GRM4: variants seen among roughly 807,000 people sequenced by gnomAD.
GRM4 encodes the protein glutamate metabotropic receptor 4.
A neutral mutation model predicts 81.7 loss-of-function variants in GRM4; 28 were observed. That is an observed-to-expected ratio of 0.34 (90% CI 0.25 to 0.47). The LOEUF (loss-of-function observed/expected upper bound fraction) is 0.47, where lower values mean the gene tolerates loss of function less well. GRM4 is among the 20% of genes least tolerant of loss of function. GRM4 has a pLI of 1.00. For missense variants in GRM4, 948 were observed against 1,290.0 expected, an observed-to-expected ratio of 0.73 and a Z score of 4.06; for synonymous variants, 488 against 528.8, an observed-to-expected ratio of 0.92 and a Z score of 1.06.
intron 2 of GRM4, among the ~76,000 whole-genome samples, chr6:34,099,229 G>A (rs1021836220): frequency 6.6e-6 from 1 of 152,208 alleles, no homozygotes; most frequent in Non-Finnish European, 1.5e-5. Context: ...CCGCCAAGGA[G>A]AGCGGGACTT....
intron 3 of GRM4, among the ~76,000 whole-genome samples, chr6:34,085,637 C>T (rs566002098): frequency 6.6e-6 from 1 of 152,278 alleles, no homozygotes; most frequent in African/African-American, 2.4e-5. Context: ...TGCAATTAAC[C>T]ATTCATTCAA....
intron 3 of GRM4, among the ~76,000 whole-genome samples, chr6:34,088,013 C>T (rs1172636420): frequency 6.6e-6 from 1 of 152,118 alleles, no homozygotes; most frequent in Admixed American, 6.5e-5. Flanking sequence ...CTTCCCAGGC[C>T]TCCCCAGGAC....
intron 3 of GRM4, among the ~76,000 whole-genome samples, chr6:34,084,988 G>T (rs546952356): frequency 6.6e-6 from 1 of 152,178 alleles, no homozygotes; most frequent in Non-Finnish European, 1.5e-5. Context: ...TGCAGGGCAG[G>T]TGCTAGGGCT....
At position 34,069,092 on chromosome 6, in the gene GRM4, TC is replaced by T. The variant is rs796831617; in HGVS notation, c.737-7065del. ...ACAGGGACAGGGGCAGGAGAGCAGGTCCCCCCGGCTCCCATAGGGGAGGACA... is the reference window on the plus strand; with the variant it reads ...ACAGGGACAGGGGCAGGAGAGCAGGTCCCCCGGCTCCCATAGGGGAGGACA... On this transcript the variant is annotated intron_variant, in intron 3 of 10. Coordinates refer to ENST00000538487, the MANE Select transcript of GRM4 (RefSeq NM_000841.4). The surrounding 1 kb of genome is among the most constrained non-coding windows in gnomAD (Gnocchi z 6.4). Among the ~76,000 whole-genome samples the T allele has an allele frequency of 2.7e-5, 4 of 148,452 alleles. 1 individual carries two copies. Among genetic ancestry groups the T allele is most frequent in the African/African-American group, 1.0e-4 (4 of 39,874 alleles).
rs1250809617 is a variant in GRM4, at chr6:34,154,258, C to A, written c.312+821G>T. 2.0e-5 allele frequency among the ~76,000 whole-genome samples: 3 copies of A among 152,214 alleles called. No homozygotes were observed. In the East Asian group the frequency reaches 5.8e-4, roughly 29 times the overall value. On this transcript the variant is annotated intron_variant, in intron 1 of 8. Transcript: ENST00000374177. ...GAGATGGTGAGCACGGCTCCCCGCA[C>A]ACACCTCCCCTCACCGCGGTCCTGC...
At position 34,133,116 on chromosome 6, in the gene GRM4, G is replaced by T. The variant is rs141426985; in HGVS notation, c.381C>A (p.Ile127=). 2 of 1,613,858 alleles carry T rather than the reference G, an allele frequency of 1.2e-6. No individual in the cohort carries two copies. The highest frequency in any genetic ancestry group is 1.3e-5 in the African/African-American group (1 of 74,938). The stretch of plus-strand genomic sequence containing the variant: ...AGCGGACCTCTGTGCCATCCTTCTC[G>T]ATGAGCGCCTGCACAAAGGTCAGCG... ...EQSLTFVQAL[I]EKDGTEVRCG... is the part of the protein sequence containing the mutation. The change falls in exon 2 of 11, where the codon ATC becomes ATA. Residue 127 remains isoleucine (I), a synonymous_variant. Transcript: ENST00000538487. This position sits in a 1 kb window ranked among gnomAD's most constrained non-coding sequence, Gnocchi z 6.5.
chr6:34,022,785 C>A lies in GRM4; in HGVS notation c.*36G>T. 1 of 1,592,470 alleles carries A rather than the reference C, an allele frequency of 6.3e-7. No individual in the cohort carries two copies. The highest frequency in any genetic ancestry group is 1.1e-5 in the South Asian group (1 of 90,636). On this transcript the variant is annotated 3_prime_UTR_variant, in exon 11 of 11. Coordinates refer to ENST00000538487, the MANE Select transcript of GRM4 (RefSeq NM_000841.4). This position sits in a 1 kb window ranked among gnomAD's most constrained non-coding sequence, Gnocchi z 5.6. ...GCCCGACGCACCTTCCACAGGGTCA[C>A]GGCTCCTCCTCCTGCTGCTCAGCTC...
chr6:34,022,862 T>C lies in GRM4; in HGVS notation c.2698A>G (p.Thr900Ala). ...CENLEAPALA[T>A]KQTYVTYTNH... Reference sequence around the variant, plus strand: ...GTGTAAGTGACGTAAGTCTGTTTGGTGGCCAGCGCTGGAAGGAGAGAGACC... The same window carrying C: ...GTGTAAGTGACGTAAGTCTGTTTGGCGGCCAGCGCTGGAAGGAGAGAGACC... Residue 900 changes from threonine to alanine, a missense_variant, in exon 11 of 11, where the codon ACC (threonine) becomes GCC (alanine). Physicochemically the swap from Thr to Ala is moderately conservative, Grantham distance 58. Transcript: ENST00000538487. The surrounding 1 kb of genome is among the most constrained non-coding windows in gnomAD (Gnocchi z 5.6). 1 of 1,613,876 alleles carries C rather than the reference T, an allele frequency of 6.2e-7. No individual in the cohort carries two copies.
Position 34,056,674 on chromosome 6 carries a change from G to C in GRM4, c.1038C>G (p.Arg346=). Residue 346 remains arginine (R), a synonymous_variant, in exon 6 of 11, where the codon CGC becomes CGG. Transcript: ENST00000538487. The stretch of plus-strand genomic sequence containing the variant: ...TGTCCAGCGTGCGGCTGGAGAAGTA[G>C]CGGTCGAAGCCTGGCAGGGAACCAG... ...PKRMSVRGFD[R]YFSSRTLDNN... The C allele has an allele frequency of 1.2e-6, 2 of 1,613,398 alleles. No homozygotes were observed. Among genetic ancestry groups the C allele is most frequent in the Non-Finnish European group, 1.7e-6 (2 of 1,179,782 alleles).
intron 10 of GRM4, among the ~76,000 whole-genome samples, chr6:34,027,381 C>T (rs1764182231): frequency 6.6e-6 from 1 of 152,154 alleles, no homozygotes; most frequent in African/African-American, 2.4e-5. Context: ...CAGGCCTGCC[C>T]CTCAGCTGCC....
At position 34,022,940 on chromosome 6, in the gene GRM4, G is replaced by T; in HGVS notation, c.2690-70C>A. 2 of 1,152,036 alleles carry T rather than the reference G, an allele frequency of 1.7e-6. No homozygotes were observed. Among genetic ancestry groups the T allele is most frequent in the Non-Finnish European group, 1.3e-6 (1 of 759,660 alleles). 71.4% of individuals were successfully genotyped at this position (1,152,036 alleles called of 1,614,324 possible). On this transcript the variant is annotated intron_variant, in intron 10 of 10. Transcript: ENST00000538487. This position sits in a 1 kb window ranked among gnomAD's most constrained non-coding sequence, Gnocchi z 5.6. ...TTTCTCAAACTGTCCTTCCACATGGGCACAGCCCTGCACAAGAACCTACCA... is the reference window on the plus strand; with the variant it reads ...TTTCTCAAACTGTCCTTCCACATGGTCACAGCCCTGCACAAGAACCTACCA...
Position 34,130,136 on chromosome 6 carries a change from A to G in GRM4, c.519+2842T>C, listed in dbSNP as rs554484046. On this transcript the variant is annotated intron_variant, in intron 2 of 10. Coordinates refer to ENST00000538487, the MANE Select transcript of GRM4 (RefSeq NM_000841.4). The surrounding 1 kb of genome is among the most constrained non-coding windows in gnomAD (Gnocchi z 4.1). ...TCCCGACCTCCCTCCCCAAAGTTCA[A>G]TCTTTTTGCTTCTGTAAATGGCTTT... 6.6e-6 allele frequency among the ~76,000 whole-genome samples: 1 copy of G among 152,142 alleles called. No homozygotes were observed. The highest frequency in any genetic ancestry group is 2.1e-4 in the South Asian group (1 of 4,816).
chr6:34,155,425 T>A (rs1298786248), exon 1 of GRM4: 2 of 1,403,060 alleles, frequency 1.4e-6, no homozygotes, highest in East Asian at 5.1e-5. Context: ...GCTCCCTCTG[T>A]GTGACAGGCC....
chr6:34,044,257 CAT>C (rs1432409351), intron 6 of GRM4, among the ~76,000 whole-genome samples: 1 of 138,942 alleles, frequency 7.2e-6, no homozygotes, highest in Middle Eastern at 3.6e-3. Flanking sequence ...CAGAGACATA[CAT>C]ACATACACAT....
rs1005684846 is a variant in GRM4, at chr6:34,046,523, C to G, written c.1169-5775G>C. Among the ~76,000 whole-genome samples, 6 of 152,212 alleles carry G rather than the reference C, an allele frequency of 3.9e-5. No homozygotes were observed. The South Asian group carries it at 1.0e-3, about 26-fold the overall frequency. On this transcript the variant is annotated intron_variant, in intron 6 of 10. Coordinates refer to ENST00000538487, the MANE Select transcript of GRM4 (RefSeq NM_000841.4). Reference sequence around the variant, plus strand: ...GGGGAGGAAAGTCAACTAATGCCAGCCTGTGGGGTTCCGTCCTGCTGGGGA... The same window carrying G: ...GGGGAGGAAAGTCAACTAATGCCAGGCTGTGGGGTTCCGTCCTGCTGGGGA...
chr6:34,126,199 A>C (rs1409844552), intron 2 of GRM4, among the ~76,000 whole-genome samples: 1 of 152,240 alleles, frequency 6.6e-6, no homozygotes, highest in Non-Finnish European at 1.5e-5. Context: ...GCTCAAATCC[A>C]GGCTCCACCA....
chr6:34,152,623 G>C lies in GRM4; in HGVS notation c.312+2456C>G, dbSNP rs1298986138. ...TAGACCCCCCAAAGAGGACAAAGCAGTGCTGGGGAAGAAAAGCCCACACGC... is the reference window on the plus strand; with the variant it reads ...TAGACCCCCCAAAGAGGACAAAGCACTGCTGGGGAAGAAAAGCCCACACGC... On this transcript the variant is annotated intron_variant, in intron 1 of 8. Coordinates refer to the GRM4 transcript ENST00000374177. This position sits in a 1 kb window ranked among gnomAD's most constrained non-coding sequence, Gnocchi z 4.1. 6.6e-6 allele frequency among the ~76,000 whole-genome samples: 1 copy of C among 152,210 alleles called. No individual in the cohort carries two copies. The highest frequency in any genetic ancestry group is 1.5e-5 in the Non-Finnish European group (1 of 68,038).
At chr6:34,075,244 C>T (rs972617238) in intron 3 of GRM4, among the ~76,000 whole-genome samples, 2 of 152,202 alleles carry the variant, frequency 1.3e-5, no homozygotes, top group Non-Finnish European at 2.9e-5. Flanking sequence ...GACAAGGCCC[C>T]CAAGTTTCTT....
chr6:34,137,311 G>A (rs1770500615), intron 1 of GRM4, among the ~76,000 whole-genome samples: 2 of 152,254 alleles, frequency 1.3e-5, no homozygotes, highest in Non-Finnish European at 2.9e-5. Context: ...ATGGAGGAAT[G>A]AGAGCCCTGA....
Sources: gnomAD v4.1 joint callset for allele counts (sites outside exome capture counted in the v4.1 genomes callset) on GRCh38, gnomAD v4.1.1 for gene constraint, Gnocchi (gnomAD v3.1) non-coding constraint, MANE v1.5 for transcripts, NCBI Gene and HGNC (gene_info 2026-07-23, HGNC 2026-07-21) for gene names.